SPECC1L: variants seen among roughly 807,000 people sequenced by gnomAD.
SPECC1L encodes the protein cytospin-A.
A neutral mutation model predicts 116.8 loss-of-function variants in SPECC1L; 40 were observed. The ratio of observed to expected loss-of-function variants is 0.34; its 90% CI spans 0.27 to 0.45. SPECC1L has a LOEUF of 0.45. Ranked by LOEUF, SPECC1L falls within the 20% of genes least tolerant of loss-of-function variation. The pLI is 1.00. For missense variants in SPECC1L, 1,110 were observed against 1,373.6 expected, an observed-to-expected ratio of 0.81 and a Z score of 3.03; for synonymous variants, 504 against 500.6, an observed-to-expected ratio of 1.01 and a Z score of -0.09.
At chr22:24,319,757 C>T (rs1220708841) in intron 4 of SPECC1L, among the ~76,000 whole-genome samples, 1 of 152,196 alleles carries the variant, frequency 6.6e-6, no homozygotes, top group Admixed American at 6.5e-5. Flanking sequence ...TCCTGTATAC[C>T]TGTTCTGTTA....
At chr22:24,311,089 T>C (rs984006919) in intron 3 of SPECC1L, among the ~76,000 whole-genome samples, 5 of 152,200 alleles carry the variant, frequency 3.3e-5, no homozygotes, top group African/African-American at 1.2e-4. Context: ...CTTTATGGAC[T>C]CTGTTTCACT....
At position 24,313,359 on chromosome 22, in the gene SPECC1L, CGGTGACTAAT is replaced by C. The variant is rs1912129532; in HGVS notation, c.205_214del (p.Thr69LeufsTer20). 6.2e-7 allele frequency: 1 copy of C among 1,613,918 alleles called. No individual in the cohort carries two copies. Among genetic ancestry groups the C allele is most frequent in the Non-Finnish European group, 8.5e-7 (1 of 1,180,016 alleles). ...TTAGCTGGAATGGCCGGAGGGGTAACGGTGACTAATGGTGTTAAAGGAAAGAAAAGCACCT... is the reference window on the plus strand; with the variant it reads ...TTAGCTGGAATGGCCGGAGGGGTAACGGTGTTAAAGGAAAGAAAAGCACCT... On this transcript the variant is annotated frameshift_variant, in exon 4 of 17. Coordinates refer to ENST00000314328, the MANE Select transcript of SPECC1L (RefSeq NM_015330.6). LOFTEE classifies it high-confidence loss of function.
rs574105740 is a variant in SPECC1L at position 24,276,198 on chromosome 22, G to A, written c.-141-502G>A. On this transcript the variant is annotated intron_variant, in intron 1 of 16. Transcript: ENST00000314328. Reference sequence around the variant, plus strand: ...TCGAGACCAGCCTGGGCGACATAACGGGACCCTGTCTGTACAGATAAACAT... The same window carrying A: ...TCGAGACCAGCCTGGGCGACATAACAGGACCCTGTCTGTACAGATAAACAT... Among the ~76,000 whole-genome samples the A allele has an allele frequency of 5.3e-5, 8 of 152,208 alleles. 1 individual carries two copies. Among genetic ancestry groups the A allele is most frequent in the African/African-American group, 1.9e-4 (8 of 41,532 alleles).
At chr22:24,378,407 A>G (rs9612617) in intron 14 of SPECC1L, among the ~76,000 whole-genome samples, 25,711 of 152,272 alleles carry the variant, frequency 0.17, 2,689 homozygotes, top group Admixed American at 0.23. Context: ...CTGTTTTGCT[A>G]TCTTATCATT....
intron 3 of SPECC1L, among the ~76,000 whole-genome samples, chr22:24,310,859 T>TTA (rs2040448152): frequency 6.6e-6 from 1 of 152,234 alleles, no homozygotes; most frequent in African/African-American, 2.4e-5. Flanking sequence ...ATTTTAATTT[T>TTA]TATGTAGTCA....
intron 13 of SPECC1L, among the ~76,000 whole-genome samples, chr22:24,367,728 T>G (rs2041798670): frequency 1.3e-5 from 2 of 152,222 alleles, no homozygotes; most frequent in Non-Finnish European, 2.9e-5. Flanking sequence ...GTTGTAAATG[T>G]GTCCTCTTTG....
intron 3 of SPECC1L, among the ~76,000 whole-genome samples, chr22:24,307,613 G>GTGTA (rs1194397878): frequency 1.3e-5 from 2 of 152,060 alleles, no homozygotes; most frequent in African/African-American, 2.4e-5. Context: ...GTGTGTGTGT[G>GTGTA]TGTATGTATG....
chr22:24,355,068 C>T (rs1226220296), intron 11 of SPECC1L, among the ~76,000 whole-genome samples: 1 of 151,360 alleles, frequency 6.6e-6, no homozygotes, highest in African/African-American at 2.4e-5. Context: ...ATCAGGAGGT[C>T]AAGAGATCCA....
In SPECC1L at chr22:24,322,486, C is replaced by T. The variant is rs747686799; in HGVS notation, c.1506C>T (p.Ala502=). ...EQRYMDLAEN[A]RFEREQLLGV... Reference sequence around the variant, plus strand: ...GTTACATGGACCTCGCTGAGAATGCCCGTTTTGAACGGGAGCAGCTTCTTG... The same window carrying T: ...GTTACATGGACCTCGCTGAGAATGCTCGTTTTGAACGGGAGCAGCTTCTTG... Residue 502 remains alanine, a synonymous_variant, in exon 5 of 17, where the codon GCC becomes GCT. Coordinates refer to ENST00000314328, the MANE Select transcript of SPECC1L (RefSeq NM_015330.6). 4 of 1,614,120 alleles carry T rather than the reference C, an allele frequency of 2.5e-6. No homozygotes were observed. The Middle Eastern group carries it at 4.9e-4, about 200-fold the overall frequency.
At chr22:24,317,581 CCCGGACGGGGCGGCTGG>C (rs1457695168) in intron 4 of SPECC1L, among the ~76,000 whole-genome samples, 4 of 148,778 alleles carry the variant, frequency 2.7e-5, no homozygotes, top group African/African-American at 7.4e-5. Flanking sequence ...CCCCTCGCCT[CCCGGACGGGGCGGCTGG>C]CCGGGCGGGG....
chr22:24,340,188 G>A (rs1601579820), intron 10 of SPECC1L, among the ~76,000 whole-genome samples: 1 of 109,310 alleles, frequency 9.1e-6, no homozygotes, highest in South Asian at 3.1e-4. Context: ...TCACTCTGTT[G>A]CCCAGGCTGG....
chr22:24,299,436 C>G (rs565847051), intron 2 of SPECC1L, among the ~76,000 whole-genome samples: 1 of 151,804 alleles, frequency 6.6e-6, no homozygotes, highest in East Asian at 1.9e-4. Context: ...GACCCTGTCT[C>G]AAAAAAACGG....
intron 14 of SPECC1L, among the ~76,000 whole-genome samples, chr22:24,384,988 G>A (rs551337254): frequency 5.3e-5 from 8 of 151,360 alleles, no homozygotes; most frequent in African/African-American, 7.3e-5. Context: ...GGCTGAACCC[G>A]GGAGGCAGAG....
intron 2 of SPECC1L, among the ~76,000 whole-genome samples, chr22:24,283,695 C>T (rs1044752114): frequency 1.3e-5 from 2 of 152,146 alleles, no homozygotes; most frequent in African/African-American, 4.8e-5. Context: ...AATGCATCTA[C>T]GCCTGGGGTT....
intron 10 of SPECC1L, among the ~76,000 whole-genome samples, chr22:24,340,627 T>C (rs2041158069): frequency 6.6e-6 from 1 of 152,212 alleles, no homozygotes; most frequent in Non-Finnish European, 1.5e-5. Context: ...TTTGTAAAGA[T>C]AGGAGGTGAA....
At chr22:24,390,643 G>A (rs142320954) in intron 14 of SPECC1L, among the ~76,000 whole-genome samples, 149 of 152,120 alleles carry the variant, frequency 9.8e-4, no homozygotes, top group African/African-American at 3.4e-3. Context: ...CCAGCCTTGC[G>A]TCCCACCCAT....
intron 5 of SPECC1L, 38 bp from the exon 6 acceptor site, chr22:24,324,182 C>CTT: frequency 2.5e-6 from 4 of 1,570,912 alleles, no homozygotes; most frequent in Non-Finnish European, 3.5e-6. Context: ...TAGAACAACT[C>CTT]TTAACTTTTC....
intron 3 of SPECC1L, among the ~76,000 whole-genome samples, chr22:24,309,572 T>C (rs973767531): frequency 2.0e-5 from 3 of 152,168 alleles, no homozygotes; most frequent in Admixed American, 6.5e-5. Flanking sequence ...AGCTAATTTT[T>C]GTATTTTTAG....
At chr22:24,273,258 C>T (rs779663482) in intron 1 of SPECC1L, among the ~76,000 whole-genome samples, 13 of 152,144 alleles carry the variant, frequency 8.5e-5, no homozygotes, top group Non-Finnish European at 1.8e-4. Flanking sequence ...CTATCATATA[C>T]ATATTTAAAT....
Sources: gnomAD v4.1 joint callset for allele counts (sites outside exome capture counted in the v4.1 genomes callset) on GRCh38, gnomAD v4.1.1 for gene constraint, MANE v1.5 for transcripts, NCBI Gene and HGNC (gene_info 2026-07-23, HGNC 2026-07-21) for gene names.